KCNN2: variants seen among roughly 807,000 people sequenced by gnomAD.
KCNN2 encodes the protein small conductance calcium-activated potassium channel protein 2.
A neutral mutation model predicts 55.5 loss-of-function variants in KCNN2; 24 were observed. The ratio of observed to expected loss-of-function variants is 0.43; its 90% confidence interval spans 0.31 to 0.61. The LOEUF is 0.61. Among genes scored for constraint, KCNN2 ranks in the 20% least tolerant of loss-of-function variants. The pLI, the probability that KCNN2 is intolerant of heterozygous loss-of-function variation, is 0.08. For synonymous variants in KCNN2, 431 were observed against 336.1 expected, an observed-to-expected ratio of 1.28 and a Z score of -3.09; for missense variants, 754 against 853.6, an observed-to-expected ratio of 0.88 and a Z score of 1.45.
At chr5:114,201,960 T>C (rs1377978357) in intron 1 of KCNN2, among the ~76,000 whole-genome samples, 1 of 152,010 alleles carries the variant, frequency 6.6e-6, no homozygotes, top group Non-Finnish European at 1.5e-5. Flanking sequence ...GGCAGGTCCC[T>C]CCCAGGCAAG....
chr5:114,177,242 A>G (rs1313819282), intron 1 of KCNN2, among the ~76,000 whole-genome samples: 2 of 149,356 alleles, frequency 1.3e-5, no homozygotes, highest in East Asian at 2.0e-4. Flanking sequence ...GGATCACGCC[A>G]TTCTCCTGCC....
chr5:114,073,916 G>A (rs939324856), intron 1 of KCNN2, among the ~76,000 whole-genome samples: 5 of 152,126 alleles, frequency 3.3e-5, no homozygotes, highest in Non-Finnish European at 7.3e-5. Context: ...GACAAAATAT[G>A]GTTCCCTCAG....
chr5:114,145,712 C>A (rs542801486), intron 1 of KCNN2, among the ~76,000 whole-genome samples: 3 of 152,204 alleles, frequency 2.0e-5, no homozygotes, highest in East Asian at 3.9e-4. Flanking sequence ...GAGCGTCCAT[C>A]CATATCATGG....
intron 3 of KCNN2, among the ~76,000 whole-genome samples, chr5:114,448,700 C>G (rs1760520415): frequency 6.6e-6 from 1 of 152,218 alleles, no homozygotes; most frequent in African/African-American, 2.4e-5. Flanking sequence ...AATGCAATGA[C>G]ATTCAGGAAT....
At chr5:114,200,493 T>C (rs1180115497) in intron 1 of KCNN2, among the ~76,000 whole-genome samples, 2 of 152,210 alleles carry the variant, frequency 1.3e-5, no homozygotes, top group African/African-American at 2.4e-5. Flanking sequence ...ATCACTATTA[T>C]GAGTTTTTTA....
chr5:114,368,539 A>G (rs1757671072), intron 2 of KCNN2, among the ~76,000 whole-genome samples: 1 of 152,160 alleles, frequency 6.6e-6, no homozygotes, highest in South Asian at 2.1e-4. Flanking sequence ...GTGAAGGCTC[A>G]AGTCTGAAGA....
At chr5:114,152,895 G>A (rs1360048438) in intron 1 of KCNN2, among the ~76,000 whole-genome samples, 1 of 152,132 alleles carries the variant, frequency 6.6e-6, no homozygotes, top group Non-Finnish European at 1.5e-5. Context: ...AGCGCTGAAA[G>A]GGAAATAGGA....
intron 2 of KCNN2, among the ~76,000 whole-genome samples, chr5:114,302,226 T>C (rs935247647): frequency 6.6e-6 from 1 of 152,218 alleles, no homozygotes; most frequent in Non-Finnish European, 1.5e-5. Flanking sequence ...TTACTAACAG[T>C]ACATTTGTAA....
intron 2 of KCNN2, among the ~76,000 whole-genome samples, chr5:114,256,079 T>C (rs574541233): frequency 2.6e-5 from 4 of 152,252 alleles, no homozygotes; most frequent in African/African-American, 7.2e-5. Flanking sequence ...TAGCTCCCAG[T>C]TACAAGTGGA....
At chr5:114,152,335 T>A (rs553556003) in intron 1 of KCNN2, among the ~76,000 whole-genome samples, 8 of 152,344 alleles carry the variant, frequency 5.3e-5, no homozygotes, top group Admixed American at 3.9e-4. Context: ...TTATCTAACG[T>A]CATACTATTC....
intron 3 of KCNN2, among the ~76,000 whole-genome samples, chr5:114,438,481 A>G (rs889682505): frequency 1.3e-5 from 2 of 152,168 alleles, no homozygotes; most frequent in Non-Finnish European, 2.9e-5. Flanking sequence ...CAGGATAGAA[A>G]AGGGGCTTAG....
chr5:114,060,467 G>A (rs1372666079), intron 1 of KCNN2, among the ~76,000 whole-genome samples: 3 of 152,244 alleles, frequency 2.0e-5, no homozygotes, highest in African/African-American at 7.2e-5. Flanking sequence ...AAGGAAGGAA[G>A]GAAGGGAGTG....
In KCNN2 at chr5:114,412,965, T is replaced by G. The variant is rs181717371; in HGVS notation, c.1637+8109T>G. 3.5e-3 allele frequency among the ~76,000 whole-genome samples: 538 copies of G among 152,360 alleles called. 13 individuals carry two copies. The highest frequency in any genetic ancestry group is 5.4e-3 in the Admixed American group (82 of 15,304). ...TCTAAGTATTTCATCAATGGATTTGTAATTTGTGGTTGATGGCAATGTAAT... is the reference window on the plus strand; with the variant it reads ...TCTAAGTATTTCATCAATGGATTTGGAATTTGTGGTTGATGGCAATGTAAT... On this transcript the variant is annotated intron_variant, in intron 3 of 7. Transcript: ENST00000673685.
intron 1 of KCNN2, among the ~76,000 whole-genome samples, chr5:114,094,405 G>A (rs1751214761): frequency 6.6e-6 from 1 of 152,194 alleles, no homozygotes; most frequent in Non-Finnish European, 1.5e-5. Context: ...TCTTTCGAAA[G>A]ACTCTGTAGT....
intron 1 of KCNN2, among the ~76,000 whole-genome samples, chr5:114,152,888 G>T (rs560671630): frequency 1.6e-4 from 25 of 152,108 alleles, no homozygotes; most frequent in Non-Finnish European, 2.9e-4. Flanking sequence ...TACAGAGAGC[G>T]CTGAAAGGGA....
chr5:114,353,648 A>C (rs1295450822), intron 2 of KCNN2, among the ~76,000 whole-genome samples: 1 of 151,814 alleles, frequency 6.6e-6, no homozygotes, highest in African/African-American at 2.4e-5. Flanking sequence ...TTAGCATTAC[A>C]TTCTCTCAGT....
At chr5:114,245,695 C>T (rs1754736994) in intron 2 of KCNN2, among the ~76,000 whole-genome samples, 1 of 151,780 alleles carries the variant, frequency 6.6e-6, no homozygotes, top group African/African-American at 2.4e-5. Context: ...CCCCTAAAAA[C>T]AAAACAAAAC....
chr5:114,320,455 A>T (rs1404528882), intron 2 of KCNN2, among the ~76,000 whole-genome samples: 1 of 152,038 alleles, frequency 6.6e-6, no homozygotes, highest in Non-Finnish European at 1.5e-5. Flanking sequence ...CTACTAAAAA[A>T]TACAAAAAAT....
At chr5:114,231,589 G>A (rs1388021382) in intron 2 of KCNN2, among the ~76,000 whole-genome samples, 1 of 151,068 alleles carries the variant, frequency 6.6e-6, no homozygotes, top group East Asian at 1.9e-4. Context: ...AGATGATACT[G>A]TGATCATTTA....
Sources: gnomAD v4.1 joint callset for allele counts (sites outside exome capture counted in the v4.1 genomes callset) on GRCh38, gnomAD v4.1.1 for gene constraint, MANE v1.5 for transcripts, NCBI Gene and HGNC (gene_info 2026-07-23, HGNC 2026-07-21) for gene names.